The following CSMD2 variants were observed in gnomAD, a reference collection of about 807,000 sequenced individuals.
The protein encoded by CSMD2 is CUB and Sushi multiple domains 2.
A neutral mutation model predicts 398.5 loss-of-function variants in CSMD2; 130 were observed. That is an observed-to-expected ratio of 0.33 (90% CI 0.28 to 0.38). CSMD2 has a LOEUF of 0.38. CSMD2 is among the 10% of genes least tolerant of loss of function. The pLI, the probability that CSMD2 is intolerant of heterozygous loss-of-function variation, is 1.00. For missense variants in CSMD2, 3,829 were observed against 4,764.9 expected (o/e 0.80, Z 5.78); for synonymous variants, 1,828 against 1,908.5 (o/e 0.96, Z 1.10).
intron 5 of CSMD2, among the ~76,000 whole-genome samples, chr1:33,898,503 C>T (rs901392278): frequency 1.3e-5 from 2 of 152,096 alleles, no homozygotes; most frequent in Non-Finnish European, 2.9e-5. Flanking sequence ...CTAATTAATC[C>T]CCCTGAATAA....
intron 1 of CSMD2, among the ~76,000 whole-genome samples, chr1:34,096,226 A>T (rs1331727129): frequency 2.0e-5 from 3 of 152,052 alleles, no homozygotes; most frequent in African/African-American, 7.3e-5. Flanking sequence ...CATGCTAAAA[A>T]CTTTCAATAA....
intron 22 of CSMD2, among the ~76,000 whole-genome samples, chr1:33,705,436 T>G (rs1032148643): frequency 2.0e-5 from 3 of 152,168 alleles, no homozygotes; most frequent in African/African-American, 7.2e-5. Flanking sequence ...AACCATAATT[T>G]TACTCGTTGA....
chr1:34,088,251 C>T (rs780002288), intron 2 of CSMD2, among the ~76,000 whole-genome samples: 3 of 152,202 alleles, frequency 2.0e-5, no homozygotes, highest in East Asian at 1.9e-4. Flanking sequence ...CCTGTAGAGC[C>T]GGGAAGCCAC....
intron 5 of CSMD2, among the ~76,000 whole-genome samples, chr1:33,882,752 G>A (rs965813273): frequency 1.1e-4 from 17 of 152,144 alleles, no homozygotes; most frequent in African/African-American, 2.9e-4. Context: ...GAAGATTCAG[G>A]ATCCATAGTT....
chr1:33,655,929 T>C (rs1643932252), intron 27 of CSMD2, among the ~76,000 whole-genome samples: 1 of 152,212 alleles, frequency 6.6e-6, no homozygotes, highest in Admixed American at 6.5e-5. Flanking sequence ...ACAATCCTCC[T>C]TCTCCACTTG....
intron 3 of CSMD2, among the ~76,000 whole-genome samples, chr1:33,944,194 T>C (rs982695043): frequency 2.0e-5 from 3 of 151,972 alleles, no homozygotes; most frequent in Admixed American, 1.3e-4. Context: ...TTCAGTTATG[T>C]ACTTATGTGA....
At chr1:33,623,067 T>C (rs1226623245) in intron 36 of CSMD2, among the ~76,000 whole-genome samples, 2 of 152,198 alleles carry the variant, frequency 1.3e-5, no homozygotes, top group African/African-American at 4.8e-5. Flanking sequence ...ATGCCTGGAA[T>C]AGGCAAATCC....
chr1:33,563,740 G>C (rs1180027068), intron 53 of CSMD2, among the ~76,000 whole-genome samples: 1 of 152,058 alleles, frequency 6.6e-6, no homozygotes, highest in Non-Finnish European at 1.5e-5. Flanking sequence ...TGAGAACGTA[G>C]GTAGGGGCGA....
intron 3 of CSMD2, among the ~76,000 whole-genome samples, chr1:33,996,744 A>C (rs1438172329): frequency 6.6e-6 from 1 of 151,978 alleles, no homozygotes; most frequent in East Asian, 1.9e-4. Context: ...ACGAAGCAGA[A>C]AAGAAAAAGG....
intron 46 of CSMD2, 67 bp from the exon 47 acceptor site, chr1:33,583,897 CT>C (rs1478603831): frequency 4.3e-6 from 6 of 1,403,152 alleles, no homozygotes; most frequent in Non-Finnish European, 6.0e-6. Flanking sequence ...AATACATTTG[CT>C]TTTCCCAATA....
chr1:33,546,656 C>T (rs915612131), intron 56 of CSMD2, among the ~76,000 whole-genome samples: 5 of 152,116 alleles, frequency 3.3e-5, no homozygotes, highest in African/African-American at 1.2e-4. Context: ...ACTAATGTCC[C>T]CTCCTTGTAA....
chr1:34,160,541 C>T (rs1641237920), intron 1 of CSMD2, among the ~76,000 whole-genome samples: 1 of 152,118 alleles, frequency 6.6e-6, no homozygotes, highest in Admixed American at 6.5e-5. Context: ...TCCTTGACCC[C>T]CGATTTAGTC....
At chr1:33,774,684 G>A (rs1651736701) in intron 12 of CSMD2, among the ~76,000 whole-genome samples, 2 of 152,206 alleles carry the variant, frequency 1.3e-5, no homozygotes, top group Admixed American at 6.5e-5. Flanking sequence ...CAGGAGATAT[G>A]CACGTGGGGT....
intron 3 of CSMD2, among the ~76,000 whole-genome samples, chr1:34,029,227 T>C (rs1650100368): frequency 6.6e-6 from 1 of 152,112 alleles, no homozygotes. Context: ...CCAGCACAAA[T>C]GTCCAAGGGG....
At chr1:34,148,606 T>TG (rs11380321) in intron 1 of CSMD2, among the ~76,000 whole-genome samples, 115,401 of 152,050 alleles carry the variant, frequency 0.76, 45,723 homozygotes, top group Non-Finnish European at 0.86. Context: ...CCTCCTTCAG[T>TG]GGGGCACAGA....
intron 10 of CSMD2, among the ~76,000 whole-genome samples, chr1:33,796,659 T>C (rs538300601): frequency 9.5e-4 from 144 of 152,288 alleles, no homozygotes; most frequent in Non-Finnish European, 1.6e-3. Context: ...TCAGTGCACC[T>C]TGAGAAAGAA....
intron 3 of CSMD2, among the ~76,000 whole-genome samples, chr1:33,939,715 G>A (rs1644602814): frequency 6.6e-6 from 1 of 152,140 alleles, no homozygotes; most frequent in Non-Finnish European, 1.5e-5. Flanking sequence ...ACTCTGACCT[G>A]ATGCTTCCAT....
At chr1:33,603,177 G>A (rs1640344659) in intron 42 of CSMD2, among the ~76,000 whole-genome samples, 1 of 152,114 alleles carries the variant, frequency 6.6e-6, no homozygotes, top group Non-Finnish European at 1.5e-5. Context: ...AAACGATGCA[G>A]GCAAAATGTT....
At chr1:34,053,686 G>T (rs1166032239) in intron 2 of CSMD2, among the ~76,000 whole-genome samples, 1 of 152,148 alleles carries the variant, frequency 6.6e-6, no homozygotes, top group Non-Finnish European at 1.5e-5. Flanking sequence ...CAAATCTTTT[G>T]ATCAAGTTGA....
Sources: gnomAD v4.1 joint callset for allele counts (sites outside exome capture counted in the v4.1 genomes callset) on GRCh38, gnomAD v4.1.1 for gene constraint, MANE v1.5 for transcripts, NCBI Gene and HGNC (gene_info 2026-07-23, HGNC 2026-07-21) for gene names.